The following CFDP1 variants were observed in gnomAD, a reference collection of about 807,000 sequenced individuals.
CFDP1 encodes the protein chromatin remodeling protein CFDP1.
Under a neutral mutation model 40.1 loss-of-function variants are expected in CFDP1, and 31 were observed. The observed-to-expected ratio is 0.77, with a 90% CI of 0.58 to 1.04. The LOEUF (loss-of-function observed/expected upper bound fraction) is 1.04. Among genes scored for constraint, CFDP1 ranks in the 50% least tolerant of loss-of-function variants. The pLI, the probability that CFDP1 is intolerant of heterozygous loss-of-function variation, is 0.00. For synonymous variants in CFDP1, 167 were observed against 120.0 expected (o/e 1.39, Z -2.56); for missense variants, 423 against 343.4 (o/e 1.23, Z -1.83).
At chr16:75,314,484 T>TG (rs1315259092) in intron 5 of CFDP1, among the ~76,000 whole-genome samples, 3 of 151,922 alleles carry the variant, frequency 2.0e-5, no homozygotes, top group Admixed American at 6.6e-5. Context: ...GGATAGGAGT[T>TG]GGGGGTGGTA....
Position 75,293,914 on chromosome 16 carries a change from TA to T in CFDP1, c.*37del. 1 of 1,525,200 alleles carries T rather than the reference TA, an allele frequency of 6.6e-7. No individual in the cohort carries two copies. The highest frequency in any genetic ancestry group is 9.1e-7 in the Non-Finnish European group (1 of 1,100,076). The allele number at this position is 1,525,200 out of a possible 1,614,324, so 94.5% of individuals were successfully genotyped here. A position where few individuals can be genotyped will look rare whatever the true frequency, so the allele number is the denominator to read the frequency against. ...ACAGACGCACAAAAAGCTCACATTG[TA>T]AACAGGATTAAGCTGCTCTTGATTT... On this transcript the variant is annotated 3_prime_UTR_variant, in exon 7 of 7. Transcript: ENST00000283882.
chr16:75,333,951 C>A (rs1438256641), intron 5 of CFDP1, among the ~76,000 whole-genome samples: 1 of 152,194 alleles, frequency 6.6e-6, no homozygotes, highest in African/African-American at 2.4e-5. Context: ...GATGCCAAGA[C>A]TTCTGGGCTG....
At chr16:75,337,839 C>T (rs12102871) in intron 5 of CFDP1, among the ~76,000 whole-genome samples, 13 of 152,142 alleles carry the variant, frequency 8.5e-5, no homozygotes, top group Admixed American at 2.0e-4. Flanking sequence ...GAGATTTGGG[C>T]GGGGCACTAA....
At chr16:75,296,588 G>C (rs1369098595) in intron 6 of CFDP1, among the ~76,000 whole-genome samples, 1 of 152,194 alleles carries the variant, frequency 6.6e-6, no homozygotes, top group African/African-American at 2.4e-5. Flanking sequence ...AACTGGGTAC[G>C]AATAAAGGTC....
At chr16:75,385,256 A>C (rs1597372051) in intron 5 of CFDP1, among the ~76,000 whole-genome samples, 1 of 152,254 alleles carries the variant, frequency 6.6e-6, no homozygotes, top group South Asian at 2.1e-4. Context: ...ATATATATGA[A>C]TACAATATAT....
intron 5 of CFDP1, among the ~76,000 whole-genome samples, chr16:75,321,167 G>A (rs1567644742): frequency 6.6e-6 from 1 of 151,928 alleles, no homozygotes; most frequent in Non-Finnish European, 1.5e-5. Context: ...ATCTCACTAT[G>A]TTGTTCAGCC....
intron 5 of CFDP1, among the ~76,000 whole-genome samples, chr16:75,356,171 A>T (rs966042030): frequency 1.3e-5 from 2 of 152,248 alleles, no homozygotes; most frequent in African/African-American, 2.4e-5. Context: ...TTCATCAGAT[A>T]AATCACTATC....
chr16:75,349,672 A>ATATATATATATATATATATAT, intron 5 of CFDP1, among the ~76,000 whole-genome samples: 1 of 6,294 alleles, frequency 1.6e-4, no homozygotes, highest in African/African-American at 6.2e-4. Context: ...AAAAAAAAAA[A>ATATATATATATATATATATAT]AAAAAAAAAA....
chr16:75,355,827 G>A (rs2078641164), intron 5 of CFDP1, among the ~76,000 whole-genome samples: 1 of 152,200 alleles, frequency 6.6e-6, no homozygotes, highest in Non-Finnish European at 1.5e-5. Flanking sequence ...TAAGTTTCCT[G>A]AGGCTTCCCC....
At chr16:75,415,317 T>C (rs1479042834) in intron 1 of CFDP1, among the ~76,000 whole-genome samples, 2 of 152,228 alleles carry the variant, frequency 1.3e-5, no homozygotes, top group South Asian at 2.1e-4. Flanking sequence ...AAACCAACCC[T>C]GCCCACACAG....
intron 4 of CFDP1, among the ~76,000 whole-genome samples, chr16:75,403,166 C>T (rs1193373915): frequency 2.0e-5 from 3 of 152,092 alleles, no homozygotes; most frequent in African/African-American, 7.2e-5. Context: ...AAATTTGCAG[C>T]ACACAACTAT....
At chr16:75,315,737 C>T (rs954949480) in intron 5 of CFDP1, among the ~76,000 whole-genome samples, 2 of 152,252 alleles carry the variant, frequency 1.3e-5, no homozygotes, top group South Asian at 4.1e-4. Flanking sequence ...TGCATCATTT[C>T]ACCTCTACAT....
At chr16:75,413,490 T>A (rs911257900) in intron 2 of CFDP1, among the ~76,000 whole-genome samples, 20 of 144,148 alleles carry the variant, frequency 1.4e-4, no homozygotes, top group East Asian at 2.0e-4. Context: ...GAGGCGGAGG[T>A]TGCATTGAGC....
intron 5 of CFDP1, among the ~76,000 whole-genome samples, chr16:75,367,078 T>C (rs1163160884): frequency 6.8e-6 from 1 of 145,998 alleles, no homozygotes; most frequent in African/African-American, 2.5e-5. Context: ...GAAGGGGAAC[T>C]ACTTGAACCT....
intron 1 of CFDP1, among the ~76,000 whole-genome samples, chr16:75,431,913 T>TG (rs890164471): frequency 3.2e-5 from 4 of 124,700 alleles, no homozygotes. Context: ...CTGGCTAACT[T>TG]TTTTTTTTTT....
intron 5 of CFDP1, among the ~76,000 whole-genome samples, chr16:75,335,569 T>TTC (rs1220783356): frequency 6.6e-6 from 1 of 151,236 alleles, no homozygotes; most frequent in African/African-American, 2.4e-5. Flanking sequence ...TTTTTTTTTT[T>TTC]TTTTTTAGAC....
chr16:75,337,590 G>A (rs1049907507), intron 5 of CFDP1, among the ~76,000 whole-genome samples: 1 of 152,190 alleles, frequency 6.6e-6, no homozygotes, highest in Non-Finnish European at 1.5e-5. Flanking sequence ...AGGTTGTACA[G>A]AAAGCATGGC....
chr16:75,415,993 C>T lies in CFDP1; in HGVS notation c.65-1298G>A, dbSNP rs570829048. 2.0e-5 allele frequency among the ~76,000 whole-genome samples: 3 copies of T among 152,206 alleles called. No homozygotes were observed. The South Asian group carries it at 6.2e-4, about 32-fold the overall frequency. On this transcript the variant is annotated intron_variant, in intron 1 of 6. Coordinates refer to ENST00000283882, the MANE Select transcript of CFDP1 (RefSeq NM_006324.3). ...TTGGCCTCCTGAGTAGCTGACATTA[C>T]AGAAGTGTGCCACCACACCCAGCTG... is the stretch of plus-strand genomic sequence containing the variant.
chr16:75,332,372 G>A lies in CFDP1; in HGVS notation c.651-27190C>T, dbSNP rs1230262473. On this transcript the variant is annotated intron_variant, in intron 5 of 6. Coordinates refer to ENST00000283882, the MANE Select transcript of CFDP1 (RefSeq NM_006324.3). ...CCCAGCTACTCAGGAGGCTGAGGCA[G>A]GAGAATCACTTGAGCCTGAGAGGTG... Among the ~76,000 whole-genome samples, 4 of 152,124 alleles carry A rather than the reference G, an allele frequency of 2.6e-5. 1 individual carries two copies. Among genetic ancestry groups the A allele is most frequent in the Non-Finnish European group, 5.9e-5 (4 of 68,036 alleles).
Sources: allele counts gnomAD v4.1 joint callset (sites outside exome capture counted in the v4.1 genomes callset), GRCh38; gene constraint gnomAD v4.1.1; transcripts MANE v1.5; gene names NCBI Gene and HGNC (gene_info 2026-07-23, HGNC 2026-07-21).